METTL15: variants seen among roughly 807,000 people sequenced by gnomAD.
The protein encoded by METTL15 is 12S rRNA N(4)-cytidine methyltransferase METTL15.
In METTL15, 34 loss-of-function variants were observed where a neutral mutation model predicts 38.3. The observed-to-expected ratio is 0.89, with a 90% CI of 0.68 to 1.18. METTL15 has a LOEUF of 1.18. METTL15 is among the 50% of genes most tolerant of loss of function. The pLI, the probability that METTL15 is intolerant of heterozygous loss-of-function variation, is 0.00. For synonymous variants in METTL15, 162 were observed against 170.9 expected (o/e 0.95, Z 0.41); for missense variants, 438 against 498.4 (o/e 0.88, Z 1.15).
At chr11:28,340,739 C>A (rs1849944302) in intron 3 of METTL15, among the ~76,000 whole-genome samples, 1 of 152,080 alleles carries the variant, frequency 6.6e-6, no homozygotes. Flanking sequence ...TAAATTAGTT[C>A]AACTATTGTG....
intron 6 of METTL15, among the ~76,000 whole-genome samples, chr11:28,476,510 G>C (rs942681697): frequency 1.3e-5 from 2 of 152,094 alleles, no homozygotes; most frequent in African/African-American, 4.8e-5. Flanking sequence ...AATTTCCATT[G>C]GTCTGAATTA....
chr11:28,371,072 T>C (rs1564909303), intron 5 of METTL15, among the ~76,000 whole-genome samples: 1 of 152,118 alleles, frequency 6.6e-6, no homozygotes, highest in Non-Finnish European at 1.5e-5. Flanking sequence ...TCCTATTTAT[T>C]TTTGATTTAG....
At chr11:28,233,801 CT>C (rs950533272) in intron 4 of METTL15, among the ~76,000 whole-genome samples, 21 of 150,924 alleles carry the variant, frequency 1.4e-4, no homozygotes, top group East Asian at 7.8e-4. Context: ...TCCATTCTTT[CT>C]TTTTTTTTAT....
chr11:28,231,495 T>G (rs923520892), intron 4 of METTL15, among the ~76,000 whole-genome samples: 1 of 151,886 alleles, frequency 6.6e-6, no homozygotes, highest in African/African-American at 2.4e-5. Flanking sequence ...TCTTACAGTT[T>G]TCAATGGTAC....
At chr11:28,372,304 G>A (rs556830460) in intron 5 of METTL15, among the ~76,000 whole-genome samples, 53 of 152,028 alleles carry the variant, frequency 3.5e-4, no homozygotes, top group African/African-American at 1.2e-3. Context: ...TTGAACCCTC[G>A]TTGCATCCCT....
At chr11:28,318,481 G>A (rs1315784328) in intron 6 of METTL15, among the ~76,000 whole-genome samples, 4 of 152,152 alleles carry the variant, frequency 2.6e-5, no homozygotes, top group Admixed American at 2.6e-4. Context: ...AACGGTATGT[G>A]CAGAAGCACA....
intron 3 of METTL15, among the ~76,000 whole-genome samples, chr11:28,169,659 G>A (rs1276528440): frequency 1.3e-5 from 2 of 151,882 alleles, no homozygotes; most frequent in East Asian, 1.9e-4. Context: ...AAACACTCCC[G>A]TTTCTTGAGC....
chr11:28,119,231 T>C (rs553045841), intron 3 of METTL15, among the ~76,000 whole-genome samples: 3 of 152,312 alleles, frequency 2.0e-5, no homozygotes, highest in South Asian at 4.1e-4. Context: ...ACACCTCTCT[T>C]AGTAGATTGC....
intron 5 of METTL15, among the ~76,000 whole-genome samples, chr11:28,374,672 A>G (rs1040602889): frequency 6.7e-6 from 1 of 150,018 alleles, no homozygotes; most frequent in Non-Finnish European, 1.5e-5. Flanking sequence ...TCTCCTGCCT[A>G]ATTGCCCTGG....
chr11:28,234,773 G>A (rs1256904213), intron 4 of METTL15, among the ~76,000 whole-genome samples: 195 of 142,148 alleles, frequency 1.4e-3, no homozygotes, highest in Middle Eastern at 3.5e-3. Context: ...CACTCTGATG[G>A]TAGTTTCTTT....
rs146951343 is a variant in METTL15, at chr11:28,115,809, G to A, written c.270+2205G>A. On this transcript the variant is annotated intron_variant, in intron 3 of 6. Coordinates refer to ENST00000407364, the MANE Select transcript of METTL15 (RefSeq NM_001113528.2). ...AAAATCCACAAATAAGTGGACTTTC[G>A]CAGTTCAAACCTGTGTTGTTCAAGG... 5.1e-4 allele frequency among the ~76,000 whole-genome samples: 77 copies of A among 151,904 alleles called. No homozygotes were observed. The East Asian group carries it at 0.013, about 25-fold the overall frequency.
intron 6 of METTL15, among the ~76,000 whole-genome samples, chr11:28,452,512 A>G (rs1278895280): frequency 6.6e-6 from 1 of 152,226 alleles, no homozygotes; most frequent in Non-Finnish European, 1.5e-5. Flanking sequence ...GGGTATAAAC[A>G]TTAAGTAAGA....
At chr11:28,147,235 A>G (rs1849919159) in intron 3 of METTL15, among the ~76,000 whole-genome samples, 1 of 151,896 alleles carries the variant, frequency 6.6e-6, no homozygotes, top group Non-Finnish European at 1.5e-5. Context: ...AGCCTCAACA[A>G]TATCTGTATA....
At chr11:28,372,056 A>G (rs930156929) in intron 5 of METTL15, among the ~76,000 whole-genome samples, 5 of 152,040 alleles carry the variant, frequency 3.3e-5, no homozygotes, top group East Asian at 1.9e-4. Flanking sequence ...AGGCATTCTT[A>G]TCATATTCTG....
intron 5 of METTL15, among the ~76,000 whole-genome samples, chr11:28,379,829 T>A (rs1243885632): frequency 1.3e-5 from 2 of 152,210 alleles, no homozygotes; most frequent in African/African-American, 4.8e-5. Flanking sequence ...CTGCTATTAT[T>A]CTATTGCAGT....
intron 6 of METTL15, among the ~76,000 whole-genome samples, chr11:28,447,001 T>C (rs890407750): frequency 1.3e-5 from 2 of 152,078 alleles, no homozygotes; most frequent in Non-Finnish European, 2.9e-5. Context: ...GTTTTCTGAG[T>C]TTAAAAATAA....
intron 4 of METTL15, among the ~76,000 whole-genome samples, chr11:28,237,827 G>T (rs944385489): frequency 6.6e-6 from 1 of 152,142 alleles, no homozygotes; most frequent in Non-Finnish European, 1.5e-5. Context: ...TAACAGACAG[G>T]ACCCTCAGCT....
intron 6 of METTL15, chr11:28,327,994 A>C: frequency 1.6e-6 from 2 of 1,283,884 alleles, no homozygotes; most frequent in South Asian, 3.1e-5. Context: ...ATTTTTAAAA[A>C]AATTATAGCA....
intron 6 of METTL15, among the ~76,000 whole-genome samples, chr11:28,502,874 G>C (rs1002292112): frequency 6.6e-6 from 1 of 152,068 alleles, no homozygotes; most frequent in Non-Finnish European, 1.5e-5. Flanking sequence ...AGGGTTTGGC[G>C]AGGAAAATCA....
Sources: allele counts gnomAD v4.1 joint callset (sites outside exome capture counted in the v4.1 genomes callset), GRCh38; gene constraint gnomAD v4.1.1; transcripts MANE v1.5; gene names NCBI Gene and HGNC (gene_info 2026-07-23, HGNC 2026-07-21).